Variants in ME3 observed in about 807,000 individuals in gnomAD.
The protein encoded by ME3 is malic enzyme 3, also known as NADP-dependent malic enzyme, mitochondrial.
In ME3, 48 loss-of-function variants were observed where a neutral mutation model predicts 68.9. That is an observed-to-expected ratio of 0.70 (90% CI 0.55 to 0.89). ME3 has a LOEUF of 0.89. Ranked by LOEUF, ME3 falls within the 40% of genes least tolerant of loss-of-function variation. The pLI, the probability that ME3 is intolerant of heterozygous loss-of-function variation, is 0.00. For synonymous variants in ME3, 320 were observed against 318.8 expected (o/e 1.00, Z -0.04); for missense variants, 675 against 797.4 (o/e 0.85, Z 1.85).
At chr11:86,475,151 G>A (rs982039540) in intron 7 of ME3, among the ~76,000 whole-genome samples, 5 of 152,220 alleles carry the variant, frequency 3.3e-5, no homozygotes. Context: ...CAATGTTGGA[G>A]GTGGGGCCTG....
intron 1 of ME3, 163 bp from the exon 2 acceptor site, chr11:86,672,121 T>G (rs1299912547): frequency 5.1e-6 from 3 of 583,302 alleles, no homozygotes; most frequent in Non-Finnish European, 7.9e-6. Context: ...GGCTGCCACC[T>G]GCTCGGCTCC....
intron 2 of ME3, among the ~76,000 whole-genome samples, chr11:86,589,894 T>A (rs1162263576): frequency 1.3e-5 from 2 of 152,244 alleles, no homozygotes; most frequent in African/African-American, 4.8e-5. Context: ...GGCACCTGCA[T>A]GTCCTGGTGT....
In ME3 at chr11:86,544,443, AT is replaced by A. The variant is rs770986706; in HGVS notation, c.467+12109del. Among the ~76,000 whole-genome samples, 90 of 152,350 alleles carry A rather than the reference AT, an allele frequency of 5.9e-4. 1 individual carries two copies. Among genetic ancestry groups the A allele is most frequent in the Non-Finnish European group, 1.2e-3 (82 of 68,044 alleles). ...AAAGAAGAAAAGAGAGAAGAATCAA[AT>A]AGACACAATAAAAAATGATAAAGGA... On this transcript the variant is annotated intron_variant, in intron 4 of 14. Coordinates refer to ENST00000543262, the Ensembl canonical transcript of ME3.
rs925576195 is a variant in ME3, at chr11:86,519,371, T to G, written c.468-10504A>C. 7.2e-5 allele frequency among the ~76,000 whole-genome samples: 11 copies of G among 152,350 alleles called. No homozygotes were observed. In the South Asian group the frequency reaches 1.2e-3, roughly 17 times the overall value. On this transcript the variant is annotated intron_variant, in intron 4 of 14. Coordinates refer to ENST00000543262, the Ensembl canonical transcript of ME3. ...CAAAGATAATGTTCACTTAGGAGAA[T>G]GTTATTTCTTGAGAAAAAGACTCTT...
At chr11:86,464,132 C>T in intron 8 of ME3, 1 of 449,636 alleles carries the variant, frequency 2.2e-6, no homozygotes, top group Non-Finnish European at 4.4e-6. Flanking sequence ...AAGTCATCTG[C>T]AAAATGAGAA....
intron 2 of ME3, among the ~76,000 whole-genome samples, chr11:86,633,794 G>A (rs1944162324): frequency 6.6e-6 from 1 of 152,150 alleles, no homozygotes; most frequent in Non-Finnish European, 1.5e-5. Flanking sequence ...CATCTACCAT[G>A]GGCCTCATGG....
At chr11:86,446,059 T>C (rs1949267041) in intron 13 of ME3, among the ~76,000 whole-genome samples, 1 of 152,172 alleles carries the variant, frequency 6.6e-6, no homozygotes, top group Non-Finnish European at 1.5e-5. Context: ...GTATGAGGCA[T>C]GTCTCCTCCT....
intron 2 of ME3, among the ~76,000 whole-genome samples, chr11:86,632,789 G>T (rs2135334066): frequency 6.6e-6 from 1 of 152,296 alleles, no homozygotes; most frequent in Admixed American, 6.5e-5. Context: ...TTCCTTCAGG[G>T]CAACCCAGGT....
At chr11:86,578,189 C>G (rs1958226582) in intron 2 of ME3, among the ~76,000 whole-genome samples, 1 of 152,146 alleles carries the variant, frequency 6.6e-6, no homozygotes, top group South Asian at 2.1e-4. Flanking sequence ...ACCCTCTCTT[C>G]CCAAGAGACT....
chr11:86,494,357 G>A (rs1952183480), intron 6 of ME3, among the ~76,000 whole-genome samples: 2 of 152,144 alleles, frequency 1.3e-5, no homozygotes, highest in African/African-American at 2.4e-5. Context: ...GCACCACAGT[G>A]GGCAAGGCAG....
intron 4 of ME3, among the ~76,000 whole-genome samples, chr11:86,544,239 A>G (rs1956226367): frequency 6.6e-6 from 1 of 152,208 alleles, no homozygotes; most frequent in African/African-American, 2.4e-5. Flanking sequence ...ATCACAATTA[A>G]AAGAACTAGA....
chr11:86,621,461 C>A (rs1411576528), intron 2 of ME3, among the ~76,000 whole-genome samples: 2 of 152,068 alleles, frequency 1.3e-5, no homozygotes, highest in Non-Finnish European at 1.5e-5. Flanking sequence ...TTACAATTGG[C>A]CTGAGAATGT....
At chr11:86,593,012 C>T (rs10400291) in intron 2 of ME3, among the ~76,000 whole-genome samples, 4 of 152,104 alleles carry the variant, frequency 2.6e-5, no homozygotes, top group South Asian at 2.1e-4. Context: ...GAAATGCAGA[C>T]CCCTCTGCAT....
At chr11:86,575,299 G>A (rs754361631) in intron 2 of ME3, among the ~76,000 whole-genome samples, 3 of 146,566 alleles carry the variant, frequency 2.0e-5, no homozygotes, top group African/African-American at 5.3e-5. Context: ...GGATAAATGC[G>A]GCAAAGATGT....
chr11:86,600,365 A>G (rs965768828), intron 2 of ME3, among the ~76,000 whole-genome samples: 2 of 152,242 alleles, frequency 1.3e-5, no homozygotes, highest in Non-Finnish European at 2.9e-5. Context: ...AGGCCATTAC[A>G]TAATGGTGAA....
intron 4 of ME3, among the ~76,000 whole-genome samples, chr11:86,519,535 T>A (rs1301031366): frequency 6.6e-6 from 1 of 152,184 alleles, no homozygotes; most frequent in East Asian, 1.9e-4. Flanking sequence ...ATAAAGGGCT[T>A]AATTAAAACA....
At chr11:86,590,564 G>T (rs1323636994) in intron 2 of ME3, among the ~76,000 whole-genome samples, 1 of 152,130 alleles carries the variant, frequency 6.6e-6, no homozygotes, top group Non-Finnish European at 1.5e-5. Context: ...AGGCATGGAG[G>T]CACCAGCCAC....
At chr11:86,444,757 T>A (rs1398829521) in intron 13 of ME3, among the ~76,000 whole-genome samples, 2 of 152,174 alleles carry the variant, frequency 1.3e-5, no homozygotes, top group Admixed American at 1.3e-4. Flanking sequence ...TGAATGCACA[T>A]CTCCTTAAAG....
chr11:86,464,971 C>A (rs1389344664), intron 8 of ME3, 120 bp downstream of exon 8: 1 of 730,122 alleles, frequency 1.4e-6, no homozygotes, highest in Non-Finnish European at 2.4e-6. Context: ...CTTTTTTCAA[C>A]AGCTGCTGGC....
Sources: allele counts gnomAD v4.1 joint callset (sites outside exome capture counted in the v4.1 genomes callset), GRCh38; gene constraint gnomAD v4.1.1; transcripts MANE v1.5; gene names NCBI Gene and HGNC (gene_info 2026-07-23, HGNC 2026-07-21).